WSB2: variants seen among roughly 807,000 people sequenced by gnomAD.
WSB2 encodes the protein WD repeat and SOCS box containing 2.
WSB2 carries 12 observed loss-of-function variants against 48.8 expected under a neutral mutation model. The ratio of observed to expected loss-of-function variants is 0.25; its 90% CI spans 0.16 to 0.40. The LOEUF (loss-of-function observed/expected upper bound fraction) is 0.40, where lower values mean the gene tolerates loss of function less well. Ranked by LOEUF, WSB2 falls within the 10% of genes least tolerant of loss-of-function variation. The pLI is 1.00. For synonymous variants in WSB2, 191 were observed against 203.1 expected (o/e 0.94, Z 0.51); for missense variants, 317 against 506.2 (o/e 0.63, Z 3.59).
In WSB2 at chr12:118,060,997, C is replaced by G; in HGVS notation, c.13+39G>C. 3.2e-6 allele frequency: 3 copies of G among 946,186 alleles called. No homozygotes were observed. The highest frequency in any genetic ancestry group is 5.3e-4 in the Middle Eastern group (1 of 1,880). 58.6% of individuals were successfully genotyped at this position (946,186 alleles called of 1,614,324 possible). A position where few individuals can be genotyped will look rare whatever the true frequency, so the allele number is the denominator to read the frequency against. ...CCTCCCCGGGGAGAACGGGCCAGGG[C>G]CCCGCCGGGCGGGAACGGGCGCGCC... On this transcript the variant is annotated intron_variant, in intron 1 of 8. Transcript: ENST00000315436. This position sits in a 1 kb window ranked among gnomAD's most constrained non-coding sequence, Gnocchi z 4.1.
upstream of WSB2, chr12:118,062,032 G>T: frequency 1.4e-6 from 2 of 1,469,238 alleles, no homozygotes; most frequent in Non-Finnish European, 1.8e-6. Flanking sequence ...GAAAACCGGA[G>T]TGGGGGTGGG....
chr12:118,054,806 G>GA (rs1333527214), intron 1 of WSB2, among the ~76,000 whole-genome samples: 1 of 151,144 alleles, frequency 6.6e-6, no homozygotes, highest in African/African-American at 2.4e-5. Flanking sequence ...TCTTTAAATA[G>GA]AATGTTAATA....
At chr12:118,039,217 G>A (rs1345349798) in intron 4 of WSB2, among the ~76,000 whole-genome samples, 3 of 152,126 alleles carry the variant, frequency 2.0e-5, no homozygotes, top group African/African-American at 7.2e-5. Flanking sequence ...CAGACAGCTT[G>A]GGTTTGAATC....
chr12:118,059,954 A>C (rs951421769), intron 1 of WSB2, among the ~76,000 whole-genome samples: 3 of 152,212 alleles, frequency 2.0e-5, no homozygotes, highest in South Asian at 2.1e-4. Flanking sequence ...ACAAGCCATC[A>C]GCAATCAGAA....
rs2031592852 is a variant in WSB2, at chr12:118,039,860, CAGCCTCCCGAGT to C, written c.560-1484_560-1473del. On this transcript the variant is annotated intron_variant, in intron 4 of 8. Transcript: ENST00000315436. ...CTGGGTTCAAGCGATTCTCCTGCCT[CAGCCTCCCGAGT>C]AGCTGGGATTACAGGTATCTGCCAC... Among the ~76,000 whole-genome samples, 8 of 151,928 alleles carry C rather than the reference CAGCCTCCCGAGT, an allele frequency of 5.3e-5. No homozygotes were observed. In the South Asian group the frequency reaches 1.5e-3, roughly 28 times the overall value.
At chr12:118,036,632 C>T in intron 5 of WSB2, 122 bp from the exon 6 acceptor site, 2 of 1,013,358 alleles carry the variant, frequency 2.0e-6, no homozygotes, top group Non-Finnish European at 2.9e-6. Flanking sequence ...TTCTCTATCC[C>T]TTTTCTACAG....
At chr12:118,062,166 C>T, upstream of WSB2, 1 of 1,535,382 alleles carries the variant, frequency 6.5e-7, no homozygotes, top group Non-Finnish European at 8.7e-7. Flanking sequence ...CCCGCATAGC[C>T]TCAAGAAATG....
intron 2 of WSB2, 134 bp from the exon 3 acceptor site, chr12:118,043,511 C>A: frequency 7.3e-7 from 1 of 1,363,612 alleles, no homozygotes; most frequent in East Asian, 2.3e-5. Flanking sequence ...GTGACACAAT[C>A]ATGGCTCACT....
intron 2 of WSB2, among the ~76,000 whole-genome samples, chr12:118,050,831 C>G (rs773205611): frequency 1.3e-5 from 2 of 152,102 alleles, no homozygotes; most frequent in Non-Finnish European, 2.9e-5. Context: ...GCAGGTGGAT[C>G]ACCTGAGGTC....
chr12:118,059,204 CA>C (rs57427658), intron 1 of WSB2, among the ~76,000 whole-genome samples: 7 of 143,600 alleles, frequency 4.9e-5, no homozygotes, highest in African/African-American at 1.8e-4. Context: ...ACACTTAGCA[CA>C]AAAAAAAATC....
Position 118,035,266 on chromosome 12 carries a change from A to C in WSB2, c.892T>G (p.Ser298Ala), listed in dbSNP as rs949618959. Residue 298 changes from serine (S) to alanine (A), a missense_variant, in exon 7 of 9, where the codon TCT becomes GCT. Ser to Ala is a moderately conservative substitution (Grantham distance 99). Around this residue, in one of 2 missense-constraint regions of WSB2, gnomAD observed 189 missense variants for 349.6 expected, o/e 0.54. Coordinates refer to ENST00000315436, the MANE Select transcript of WSB2 (RefSeq NM_018639.5). ...DSDVHISSLR[S>A]VCFSPEGLYL... is the part of the protein sequence containing the mutation. ...AAGCCTTCTGGAGAGAAGCACACAG[A>C]TCTCAGTGAGCTAATGTGGACGTCA... The C allele has an allele frequency of 6.2e-6, 10 of 1,614,090 alleles. No individual in the cohort carries two copies. The East Asian group carries it at 6.7e-5, about 11-fold the overall frequency.
intron 4 of WSB2, among the ~76,000 whole-genome samples, chr12:118,041,366 C>A (rs547997709): frequency 4.5e-4 from 69 of 152,334 alleles, no homozygotes; most frequent in African/African-American, 1.6e-3. Context: ...CAGGTGCTCA[C>A]AGACACCAAA....
intron 2 of WSB2, among the ~76,000 whole-genome samples, chr12:118,051,614 G>T (rs560128975): frequency 6.6e-6 from 1 of 152,184 alleles, no homozygotes; most frequent in African/African-American, 2.4e-5. Flanking sequence ...GTGCAGGGGG[G>T]TTGGGGGATC....
At chr12:118,061,677 G>C (rs1385840005), upstream of WSB2, among the ~76,000 whole-genome samples, 1 of 150,552 alleles carries the variant, frequency 6.6e-6, no homozygotes, top group Non-Finnish European at 1.5e-5. Context: ...CGAGGGCTGT[G>C]GGGGTAAGGG....
chr12:118,035,404 C>A, intron 6 of WSB2, 80 bp from the exon 7 acceptor site: 1 of 1,284,962 alleles, frequency 7.8e-7, no homozygotes, highest in Non-Finnish European at 1.1e-6. Context: ...GGCAGGAAGC[C>A]AAACTGCCCT....
At chr12:118,053,512 C>G (rs138563153) in intron 1 of WSB2, among the ~76,000 whole-genome samples, 12 of 152,208 alleles carry the variant, frequency 7.9e-5, no homozygotes, top group Non-Finnish European at 1.5e-4. Context: ...CTCTGCCCCC[C>G]GCCCTCGTCA....
chr12:118,035,286 A>G lies in WSB2; in HGVS notation c.872T>C (p.Val291Ala). 6.2e-7 allele frequency: 1 copy of G among 1,614,230 alleles called. No individual in the cohort carries two copies. The highest frequency in any genetic ancestry group is 8.5e-7 in the Non-Finnish European group (1 of 1,180,048). The change falls in exon 7 of 9, where the codon GTC becomes GCC. Residue 291 changes from valine (V) to alanine (A), a missense_variant. Val to Ala is a moderately conservative substitution (Grantham distance 64). Around this residue, in one of 2 missense-constraint regions of WSB2, gnomAD observed 189 missense variants for 349.6 expected, o/e 0.54. Coordinates refer to ENST00000315436, the MANE Select transcript of WSB2 (RefSeq NM_018639.5). Reference protein sequence around the residue: ...QVDPAMDDSDVHISSLRSVCF... With the variant: ...QVDPAMDDSDAHISSLRSVCF... ...CACAGATCTCAGTGAGCTAATGTGGACGTCACTGTCATCCATGGCGGGGTC... is the reference window on the plus strand; with the variant it reads ...CACAGATCTCAGTGAGCTAATGTGGGCGTCACTGTCATCCATGGCGGGGTC...
chr12:118,042,513 C>A, intron 4 of WSB2: 1 of 251,430 alleles, frequency 4.0e-6, no homozygotes, highest in Non-Finnish European at 7.7e-6. Context: ...CAAACTAGTT[C>A]TTGGTAGCCA....
intron 4 of WSB2, 163 bp downstream of exon 4, chr12:118,042,678 G>T: frequency 2.9e-6 from 3 of 1,028,372 alleles, no homozygotes; most frequent in East Asian, 2.5e-5. Context: ...TCTTTGGGGC[G>T]GGCAGGGGCG....
Sources: allele counts gnomAD v4.1 joint callset (sites outside exome capture counted in the v4.1 genomes callset), GRCh38; gene constraint gnomAD v4.1.1; regional missense constraint gnomAD v4.1.1; non-coding constraint Gnocchi (gnomAD v3.1); transcripts MANE v1.5; gene names NCBI Gene and HGNC (gene_info 2026-07-23, HGNC 2026-07-21).